The following CDH4 variants were observed in gnomAD, a reference collection of about 807,000 sequenced individuals.
The protein encoded by CDH4 is cadherin-4.
CDH4 carries 33 observed loss-of-function variants against 86.0 expected under a neutral mutation model. That is an observed-to-expected ratio of 0.38 (90% CI 0.29 to 0.51). The LOEUF (loss-of-function observed/expected upper bound fraction) is 0.51. Among genes scored for constraint, CDH4 ranks in the 20% least tolerant of loss-of-function variants. The pLI, the probability that CDH4 is intolerant of heterozygous loss-of-function variation, is 0.86. For synonymous variants in CDH4, 555 were observed against 549.4 expected (o/e 1.01, Z -0.14); for missense variants, 1,114 against 1,307.4 (o/e 0.85, Z 2.28).
chr20:61,771,319 A>G (rs1464058714), intron 3 of CDH4, among the ~76,000 whole-genome samples: 1 of 150,586 alleles, frequency 6.6e-6, no homozygotes, highest in Non-Finnish European at 1.5e-5. Context: ...CTCTTTTTCT[A>G]TCCTTTAAAA....
At chr20:61,812,068 T>C (rs1980467812) in intron 4 of CDH4, among the ~76,000 whole-genome samples, 2 of 152,050 alleles carry the variant, frequency 1.3e-5, no homozygotes, top group South Asian at 4.1e-4. Context: ...TCTCCCCCGC[T>C]GCGGGGGACA....
chr20:61,695,065 G>A (rs575423256), intron 2 of CDH4, among the ~76,000 whole-genome samples: 1 of 152,356 alleles, frequency 6.6e-6, no homozygotes, highest in African/African-American at 2.4e-5. Flanking sequence ...TTCACTGCCT[G>A]GCTGCATAGA....
At chr20:61,852,017 C>G (rs1024682072) in intron 5 of CDH4, among the ~76,000 whole-genome samples, 2 of 152,240 alleles carry the variant, frequency 1.3e-5, no homozygotes, top group Non-Finnish European at 2.9e-5. Context: ...CTCTGAGAAG[C>G]TCCTGCGGAA....
At chr20:61,584,701 G>C (rs1472489857) in intron 2 of CDH4, among the ~76,000 whole-genome samples, 1 of 152,214 alleles carries the variant, frequency 6.6e-6, no homozygotes, top group Non-Finnish European at 1.5e-5. Context: ...TGTGTGCTTA[G>C]TGGGGGTGGG....
chr20:61,608,086 C>T (rs1411541712), intron 2 of CDH4, among the ~76,000 whole-genome samples: 10 of 152,034 alleles, frequency 6.6e-5, no homozygotes, highest in Admixed American at 5.9e-4. Context: ...ATTCTCCCCT[C>T]GCCCCCAGAC....
intron 2 of CDH4, among the ~76,000 whole-genome samples, chr20:61,560,067 TC>T (rs1233749316): frequency 3.3e-5 from 5 of 152,108 alleles, no homozygotes; most frequent in African/African-American, 9.7e-5. Context: ...ATAGAGGAGA[TC>T]GACCCTGCCA....
At chr20:61,495,192 G>T (rs2085651725) in intron 2 of CDH4, among the ~76,000 whole-genome samples, 1 of 152,248 alleles carries the variant, frequency 6.6e-6, no homozygotes. Context: ...TTTCATTCAG[G>T]ACTTAATGTT....
intron 2 of CDH4, among the ~76,000 whole-genome samples, chr20:61,499,886 T>C (rs560176535): frequency 6.6e-6 from 1 of 152,170 alleles, no homozygotes; most frequent in South Asian, 2.1e-4. Flanking sequence ...CCTCCAGATG[T>C]GGGCATCGAT....
At chr20:61,272,449 C>T (rs1332583635) in intron 2 of CDH4, among the ~76,000 whole-genome samples, 1 of 152,250 alleles carries the variant, frequency 6.6e-6, no homozygotes, top group African/African-American at 2.4e-5. Context: ...GACATCCCTT[C>T]CGTGCAGTTA....
intron 2 of CDH4, among the ~76,000 whole-genome samples, chr20:61,411,553 G>A (rs570621264): frequency 6.6e-6 from 1 of 151,822 alleles, no homozygotes; most frequent in East Asian, 1.9e-4. Context: ...GGCTGGGCTG[G>A]GCACGTGGTG....
intron 4 of CDH4, among the ~76,000 whole-genome samples, chr20:61,832,393 G>A (rs1286278474): frequency 2.0e-5 from 3 of 152,330 alleles, no homozygotes; most frequent in East Asian, 3.9e-4. Context: ...GTGGTGATGA[G>A]TAAGTGAGTG....
At chr20:61,862,694 C>T (rs1362379965) in intron 6 of CDH4, among the ~76,000 whole-genome samples, 1 of 152,222 alleles carries the variant, frequency 6.6e-6, no homozygotes. Flanking sequence ...CAGCATTTCT[C>T]AAAGTGCCCA....
chr20:61,667,867 G>A (rs987162997), intron 2 of CDH4, among the ~76,000 whole-genome samples: 28 of 152,204 alleles, frequency 1.8e-4, no homozygotes, highest in African/African-American at 4.6e-4. Flanking sequence ...GGAAATGCAC[G>A]TCTTAAAAGC....
intron 2 of CDH4, among the ~76,000 whole-genome samples, chr20:61,699,182 C>T (rs1027066997): frequency 6.6e-6 from 1 of 152,360 alleles, no homozygotes; most frequent in East Asian, 1.9e-4. Context: ...TGACCTTCTC[C>T]GTATCCCTGC....
chr20:61,839,490 GTA>G (rs1393000182), intron 4 of CDH4, among the ~76,000 whole-genome samples: 3 of 151,268 alleles, frequency 2.0e-5, no homozygotes, highest in Non-Finnish European at 4.4e-5. Context: ...GTGTGTTTGT[GTA>G]TATGTGTGTA....
At chr20:61,488,923 C>G (rs1229702597) in intron 2 of CDH4, among the ~76,000 whole-genome samples, 2 of 152,166 alleles carry the variant, frequency 1.3e-5, no homozygotes, top group African/African-American at 4.8e-5. Flanking sequence ...GTCAGGAAGT[C>G]AGTATGTCTA....
rs1254102863 is a variant in CDH4 at position 61,708,086 on chromosome 20, T to G, written c.170-35477T>G. On this transcript the variant is annotated intron_variant, in intron 2 of 15. Coordinates refer to ENST00000614565, the MANE Select transcript of CDH4 (RefSeq NM_001794.5). The surrounding 1 kb of genome is among the most constrained non-coding windows in gnomAD (Gnocchi z 4.5). ...CCTGGACCCAGGACCTGGGCTCTGC[T>G]GGGGGTCCCGGGCTGTGGCGCGTCT... 6.6e-6 allele frequency among the ~76,000 whole-genome samples: 1 copy of G among 152,032 alleles called. No homozygotes were observed. The highest frequency in any genetic ancestry group is 1.5e-5 in the Non-Finnish European group (1 of 67,988).
intron 2 of CDH4, among the ~76,000 whole-genome samples, chr20:61,339,896 AT>A (rs2084640983): frequency 6.6e-6 from 1 of 152,210 alleles, no homozygotes; most frequent in Admixed American, 6.5e-5. Context: ...CTGACTTAGA[AT>A]GTTCGAAGGG....
rs537551796 is a variant in CDH4, at chr20:61,381,149, C to T, written c.169+126212C>T. ...CCTAGCCTGTATGGAGTAGTGATCT[C>T]GAATGAGGCTCGGGGTGCCTGCGCT... On this transcript the variant is annotated intron_variant, in intron 2 of 15. Coordinates refer to ENST00000614565, the MANE Select transcript of CDH4 (RefSeq NM_001794.5). Among the ~76,000 whole-genome samples the T allele has an allele frequency of 3.9e-5, 6 of 152,248 alleles. No homozygotes were observed. In the East Asian group the frequency reaches 9.6e-4, roughly 24 times the overall value.
Sources: allele counts gnomAD v4.1 joint callset (sites outside exome capture counted in the v4.1 genomes callset), GRCh38; gene constraint gnomAD v4.1.1; non-coding constraint Gnocchi (gnomAD v3.1); transcripts MANE v1.5; gene names NCBI Gene and HGNC (gene_info 2026-07-23, HGNC 2026-07-21).